The following KLF12 variants were observed in gnomAD, a reference collection of about 807,000 sequenced individuals.
KLF12 encodes KLF transcription factor 12, also known as Krueppel-like factor 12.
Under a neutral mutation model 37.8 loss-of-function variants are expected in KLF12, and 9 were observed. The ratio of observed to expected loss-of-function variants is 0.24; its 90% CI spans 0.14 to 0.42. KLF12 has a LOEUF of 0.42. Among genes scored for constraint, KLF12 ranks in the 10% least tolerant of loss-of-function variants. KLF12 has a pLI of 1.00. For synonymous variants in KLF12, 208 were observed against 202.1 expected, an observed-to-expected ratio of 1.03 and a Z score of -0.25; for missense variants, 411 against 516.0, an observed-to-expected ratio of 0.80 and a Z score of 1.97.
chr13:74,030,938 G>A (rs996040895), intron 1 of KLF12, among the ~76,000 whole-genome samples: 2 of 151,952 alleles, frequency 1.3e-5, no homozygotes, highest in East Asian at 1.9e-4. Context: ...CATTTTGAAC[G>A]GCTGCACTAT....
At chr13:74,132,833 AG>A (rs1414858704) in intron 1 of KLF12, among the ~76,000 whole-genome samples, 1 of 152,148 alleles carries the variant, frequency 6.6e-6, no homozygotes, top group Non-Finnish European at 1.5e-5. Context: ...CAAAGATAAA[AG>A]TTTTCAAAGT....
At chr13:74,228,876 GA>G in the KLF12 span, among the ~76,000 whole-genome samples, 33 of 144,628 alleles carry the variant, frequency 2.3e-4, no homozygotes, top group South Asian at 6.5e-4. Flanking sequence ...TCATTAAATT[GA>G]AAAAAAAAAC....
intron 1 of KLF12, among the ~76,000 whole-genome samples, chr13:74,071,699 G>A (rs546972710): frequency 4.4e-4 from 66 of 151,424 alleles, no homozygotes; most frequent in East Asian, 3.7e-3. Context: ...TCTCAAAAAA[G>A]AAAAAAAAGA....
At chr13:74,246,115 C>A in the KLF12 span, among the ~76,000 whole-genome samples, 4,961 of 152,326 alleles carry the variant, frequency 0.033, 119 homozygotes, top group Middle Eastern at 0.068. Flanking sequence ...GCTTCAACAT[C>A]ATTCCTAGAA....
chr13:73,889,422 TAATGTCTAC>T (rs1167759250), intron 3 of KLF12, among the ~76,000 whole-genome samples: 1 of 152,200 alleles, frequency 6.6e-6, no homozygotes, highest in Non-Finnish European at 1.5e-5. Flanking sequence ...CAGTAGTGTG[TAATGTCTAC>T]AATGTGGGAA....
At chr13:74,263,398 C>T in the KLF12 span, among the ~76,000 whole-genome samples, 2 of 152,152 alleles carry the variant, frequency 1.3e-5, no homozygotes, top group African/African-American at 2.4e-5. Context: ...AAGACTCTGA[C>T]TCTATGAATA....
chr13:74,286,044 C>A, the KLF12 span, among the ~76,000 whole-genome samples: 3 of 152,212 alleles, frequency 2.0e-5, no homozygotes, highest in Non-Finnish European at 4.4e-5. Context: ...CTCTCCCCAA[C>A]CACTACTCTT....
the KLF12 span, among the ~76,000 whole-genome samples, chr13:74,286,501 T>A: frequency 1.4e-4 from 22 of 152,230 alleles, no homozygotes; most frequent in East Asian, 2.9e-3. Flanking sequence ...TTAGAAAAAA[T>A]TTTCATATGC....
At chr13:73,995,508 C>A (rs1449488825) in intron 1 of KLF12, among the ~76,000 whole-genome samples, 1 of 152,128 alleles carries the variant, frequency 6.6e-6, no homozygotes, top group East Asian at 1.9e-4. Flanking sequence ...AATGTCATTT[C>A]ATTGGGGGAA....
chr13:73,824,759 T>C (rs1883738787), intron 4 of KLF12, among the ~76,000 whole-genome samples: 1 of 152,168 alleles, frequency 6.6e-6, no homozygotes. Flanking sequence ...CGCATCAATC[T>C]ATTAGAAATA....
the KLF12 span, among the ~76,000 whole-genome samples, chr13:74,215,534 T>G: frequency 2.6e-5 from 4 of 151,698 alleles, no homozygotes; most frequent in Admixed American, 6.6e-5. Context: ...CTCAAATTTC[T>G]GATGATGTTT....
intron 5 of KLF12, among the ~76,000 whole-genome samples, chr13:73,812,020 AG>A (rs1882965415): frequency 6.6e-6 from 1 of 152,172 alleles, no homozygotes; most frequent in Non-Finnish European, 1.5e-5. Context: ...ACAGAGGTAA[AG>A]GTAACTAAGA....
chr13:74,275,872 T>TTCTA, the KLF12 span, among the ~76,000 whole-genome samples: 2 of 100,492 alleles, frequency 2.0e-5, no homozygotes, highest in African/African-American at 7.7e-5. Context: ...CTTTCTATCT[T>TTCTA]TCTTTCTTCT....
intron 4 of KLF12, among the ~76,000 whole-genome samples, chr13:73,824,870 C>T (rs1381619878): frequency 1.3e-5 from 2 of 152,124 alleles, no homozygotes; most frequent in African/African-American, 2.4e-5. Flanking sequence ...GAGCTCGAGA[C>T]CAGCCTGGCC....
At chr13:74,193,271 T>C in the KLF12 span, among the ~76,000 whole-genome samples, 2 of 152,172 alleles carry the variant, frequency 1.3e-5, no homozygotes, top group Non-Finnish European at 2.9e-5. Context: ...TGAGCCACAG[T>C]GCCCAGCCAA....
the KLF12 span, among the ~76,000 whole-genome samples, chr13:74,150,238 C>G: frequency 6.6e-6 from 1 of 152,090 alleles, no homozygotes; most frequent in Non-Finnish European, 1.5e-5. Flanking sequence ...TAGTGAATAT[C>G]TCTCTAATAC....
chr13:73,986,205 A>C (rs1350361211), intron 2 of KLF12, among the ~76,000 whole-genome samples: 2 of 152,238 alleles, frequency 1.3e-5, no homozygotes, highest in Non-Finnish European at 2.9e-5. Flanking sequence ...AAGGCACATA[A>C]AACCATAGTA....
intron 3 of KLF12, among the ~76,000 whole-genome samples, chr13:73,853,469 G>C (rs565282236): frequency 6.6e-6 from 1 of 152,250 alleles, no homozygotes; most frequent in South Asian, 2.1e-4. Context: ...CAGGACAGGC[G>C]TGGTGGTTTA....
chr13:74,074,711 T>C (rs901773659), intron 1 of KLF12, among the ~76,000 whole-genome samples: 3 of 152,168 alleles, frequency 2.0e-5, no homozygotes, highest in African/African-American at 4.8e-5. Flanking sequence ...GGGTTTGTTG[T>C]ACAGATTATG....
Sources: gnomAD v4.1 joint callset for allele counts (sites outside exome capture counted in the v4.1 genomes callset) on GRCh38, gnomAD v4.1.1 for gene constraint, MANE v1.5 for transcripts, NCBI Gene and HGNC (gene_info 2026-07-23, HGNC 2026-07-21) for gene names.